The following GRIK3 variants were observed in gnomAD, a reference collection of about 807,000 sequenced individuals.
The protein encoded by GRIK3 is glutamate receptor ionotropic, kainate 3.
Under a neutral mutation model 102.5 loss-of-function variants are expected in GRIK3, and 29 were observed. The ratio of observed to expected loss-of-function variants is 0.28; its 90% confidence interval spans 0.21 to 0.39. The LOEUF is 0.39. Among genes scored for constraint, GRIK3 ranks in the 10% least tolerant of loss-of-function variants. The probability of loss-of-function intolerance (pLI) is 1.00; values close to 1 mark genes in which losing one functional copy is unlikely to be tolerated. For missense variants in GRIK3, 908 were observed against 1,252.4 expected, an observed-to-expected ratio of 0.73 and a Z score of 4.15; for synonymous variants, 511 against 504.9, an observed-to-expected ratio of 1.01 and a Z score of -0.16.
intron 1 of GRIK3, among the ~76,000 whole-genome samples, chr1:36,973,261 G>T (rs898202416): frequency 6.6e-6 from 1 of 152,102 alleles, no homozygotes; most frequent in Admixed American, 6.5e-5. Flanking sequence ...CTGCGTTGGC[G>T]GCGCTGGACT....
Position 36,872,484 on chromosome 1 carries a change from C to T in GRIK3, c.551-115G>A, listed in dbSNP as rs1002700784. The T allele has an allele frequency of 2.5e-6, 2 of 795,620 alleles. No individual in the cohort carries two copies. The highest frequency in any genetic ancestry group is 2.5e-4 in the Middle Eastern group (1 of 4,062). The allele number at this position is 795,620 out of a possible 1,614,324, so 49.3% of individuals were successfully genotyped here. The stretch of plus-strand genomic sequence containing the variant: ...CCATGGCCACAGGTCTGCAGACATA[C>T]ACGGGCAGAAACGTGGCCCACAGAG... On this transcript the variant is annotated intron_variant, in intron 3 of 15. Transcript: ENST00000373091. This position sits in a 1 kb window ranked among gnomAD's most constrained non-coding sequence, Gnocchi z 5.9.
chr1:36,875,276 A>C (rs476377), intron 3 of GRIK3, among the ~76,000 whole-genome samples: 136,594 of 152,308 alleles, frequency 0.9, 61,450 homozygotes, highest in East Asian at 0.99. Context: ...TTTGTTTAAT[A>C]CCATCCTTTC....
chr1:37,002,138 T>C (rs1642484621), intron 1 of GRIK3, among the ~76,000 whole-genome samples: 1 of 152,232 alleles, frequency 6.6e-6, no homozygotes, highest in Non-Finnish European at 1.5e-5. Flanking sequence ...CTTCTGCCAA[T>C]GTTGATTTGA....
At chr1:36,907,359 C>A (rs190325416) in intron 1 of GRIK3, among the ~76,000 whole-genome samples, 1 of 152,050 alleles carries the variant, frequency 6.6e-6, no homozygotes, top group African/African-American at 2.4e-5. Context: ...CAAAGGTGGG[C>A]GAGTCAAGTA....
chr1:36,857,364 G>A (rs1184322362), intron 7 of GRIK3, among the ~76,000 whole-genome samples: 1 of 152,168 alleles, frequency 6.6e-6, no homozygotes, highest in Non-Finnish European at 1.5e-5. Context: ...GCCCAGCCAG[G>A]GCCCTGCTCA....
chr1:36,934,060 G>A (rs1641626600), intron 1 of GRIK3, among the ~76,000 whole-genome samples: 2 of 152,214 alleles, frequency 1.3e-5, no homozygotes, highest in African/African-American at 4.8e-5. Context: ...ACAAGGGGCT[G>A]CCCTCTACTC....
At chr1:36,834,723 G>A (rs1195961784) in intron 10 of GRIK3, among the ~76,000 whole-genome samples, 4 of 152,184 alleles carry the variant, frequency 2.6e-5, no homozygotes, top group South Asian at 2.1e-4. Context: ...AATCTCTATC[G>A]CCATCTCCAA....
At chr1:36,994,796 A>G (rs1642400644) in intron 1 of GRIK3, among the ~76,000 whole-genome samples, 2 of 152,218 alleles carry the variant, frequency 1.3e-5, no homozygotes, top group Admixed American at 1.3e-4. Flanking sequence ...GGCAAAAAAA[A>G]TAACAATAAT....
chr1:36,804,137 G>T (rs140846732), intron 15 of GRIK3, among the ~76,000 whole-genome samples: 49 of 152,248 alleles, frequency 3.2e-4, no homozygotes, highest in African/African-American at 1.2e-3. Context: ...GTTGACTAAG[G>T]CTTGCTGGTT....
At chr1:36,846,763 G>T (rs2124222444) in intron 9 of GRIK3, among the ~76,000 whole-genome samples, 1 of 152,350 alleles carries the variant, frequency 6.6e-6, no homozygotes, top group South Asian at 2.1e-4. Flanking sequence ...TGCAGACCAT[G>T]CAGAGCCTTT....
At chr1:36,842,675 T>TG (rs1426442460) in intron 9 of GRIK3, among the ~76,000 whole-genome samples, 1 of 152,172 alleles carries the variant, frequency 6.6e-6, no homozygotes, top group East Asian at 1.9e-4. Flanking sequence ...TTTATGCCCA[T>TG]GGGGGGCCTA....
chr1:37,005,992 T>C (rs941146549), intron 1 of GRIK3, among the ~76,000 whole-genome samples: 3 of 152,122 alleles, frequency 2.0e-5, no homozygotes, highest in Non-Finnish European at 4.4e-5. Flanking sequence ...TACTGGAGAC[T>C]GTCAGAATCG....
At chr1:37,014,804 C>A (rs1431698312) in intron 1 of GRIK3, among the ~76,000 whole-genome samples, 1 of 151,374 alleles carries the variant, frequency 6.6e-6, no homozygotes, top group African/African-American at 2.4e-5. Flanking sequence ...CTTGGTCATC[C>A]CAGTAACAGA....
intron 11 of GRIK3, among the ~76,000 whole-genome samples, chr1:36,821,595 T>C (rs1046301975): frequency 6.6e-6 from 1 of 152,190 alleles, no homozygotes; most frequent in Non-Finnish European, 1.5e-5. Flanking sequence ...GGTCCCAGGA[T>C]GCTGGGTCCA....
intron 1 of GRIK3, among the ~76,000 whole-genome samples, chr1:37,025,587 A>G (rs1186685427): frequency 2.0e-5 from 3 of 152,172 alleles, no homozygotes; most frequent in African/African-American, 4.8e-5. Context: ...TTTCCGCCCA[A>G]TTGGGCAGCT....
chr1:37,032,229 T>C (rs974294857), intron 1 of GRIK3, among the ~76,000 whole-genome samples: 1 of 152,166 alleles, frequency 6.6e-6, no homozygotes, highest in African/African-American at 2.4e-5. Context: ...CTTCCCAGCT[T>C]ATCCCTCTGA....
chr1:36,801,778 G>T lies in GRIK3; in HGVS notation c.*73C>A. 1 of 1,328,258 alleles carries T rather than the reference G, an allele frequency of 7.5e-7. No individual in the cohort carries two copies. 82.3% of individuals were successfully genotyped at this position (1,328,258 alleles called of 1,614,324 possible). On this transcript the variant is annotated 3_prime_UTR_variant, in exon 16 of 16. Coordinates refer to ENST00000373091, the MANE Select transcript of GRIK3 (RefSeq NM_000831.4). ...GTCCCCAAGCCCAGTGCGGGGACAG[G>T]GGACGTTCCTTCCAATCTCCTTTGC...
intron 1 of GRIK3, among the ~76,000 whole-genome samples, chr1:36,921,119 G>A (rs1641465113): frequency 6.6e-6 from 1 of 152,246 alleles, no homozygotes; most frequent in Non-Finnish European, 1.5e-5. Context: ...CACGGATGCC[G>A]AAATCTCCTC....
rs569750364 is a variant in GRIK3, at chr1:36,819,685, G to C, written c.1873+51C>G. The C allele has an allele frequency of 7.3e-6, 7 of 959,926 alleles. No homozygotes were observed. Among genetic ancestry groups the C allele is most frequent in the Non-Finnish European group, 8.6e-6 (5 of 584,050 alleles). 59.5% of individuals were successfully genotyped at this position (959,926 alleles called of 1,614,324 possible). A position where few individuals can be genotyped will look rare whatever the true frequency, so the allele number is the denominator to read the frequency against. ...GCTGATGCCAAAGAGGCTGAAGACC[G>C]CTTGGGGAAAGCAGACCCTGGAAGG... On this transcript the variant is annotated intron_variant, in intron 12 of 15. Coordinates refer to ENST00000373091, the MANE Select transcript of GRIK3 (RefSeq NM_000831.4). The surrounding 1 kb of genome is among the most constrained non-coding windows in gnomAD (Gnocchi z 4.1).
Sources: allele counts gnomAD v4.1 joint callset (sites outside exome capture counted in the v4.1 genomes callset), GRCh38; gene constraint gnomAD v4.1.1; non-coding constraint Gnocchi (gnomAD v3.1); transcripts MANE v1.5; gene names NCBI Gene and HGNC (gene_info 2026-07-23, HGNC 2026-07-21).